GGA2: variants seen among roughly 807,000 people sequenced by gnomAD.
GGA2 encodes the protein ADP-ribosylation factor-binding protein GGA2.
Under a neutral mutation model 79.5 loss-of-function variants are expected in GGA2, and 48 were observed. The ratio of observed to expected loss-of-function variants is 0.60; its 90% CI spans 0.48 to 0.77. The LOEUF is 0.77. GGA2 is among the 30% of genes least tolerant of loss of function. The probability of loss-of-function intolerance (pLI) is 0.00; values close to 1 mark genes in which losing one functional copy is unlikely to be tolerated. For missense variants in GGA2, 770 were observed against 774.0 expected (o/e 0.99, Z 0.06); for synonymous variants, 317 against 302.0 (o/e 1.05, Z -0.51).
chr16:23,467,352 G>A lies in GGA2; in HGVS notation c.*238C>T, dbSNP rs1271522245. 2 of 448,630 alleles carry A rather than the reference G, an allele frequency of 4.5e-6. No homozygotes were observed. The highest frequency in any genetic ancestry group is 3.7e-5 in the East Asian group (1 of 27,194). 27.8% of individuals were successfully genotyped at this position (448,630 alleles called of 1,614,324 possible). On this transcript the variant is annotated 3_prime_UTR_variant, in exon 17 of 17. Coordinates refer to ENST00000309859, the MANE Select transcript of GGA2 (RefSeq NM_015044.4). ...AATGCTTCGCATTTCCCACACTGCCGATATCCCAAGCCCTGTGCTACCACC... is the reference window on the plus strand; with the variant it reads ...AATGCTTCGCATTTCCCACACTGCCAATATCCCAAGCCCTGTGCTACCACC...
chr16:23,485,877 A>C, intron 8 of GGA2, 138 bp downstream of exon 8: 1 of 774,142 alleles, frequency 1.3e-6, no homozygotes, highest in South Asian at 1.8e-5. Flanking sequence ...AGGACAAAGC[A>C]GCACAACGAC....
At chr16:23,492,739 A>T (rs1178776812) in intron 4 of GGA2, among the ~76,000 whole-genome samples, 1 of 152,216 alleles carries the variant, frequency 6.6e-6, no homozygotes, top group Non-Finnish European at 1.5e-5. Context: ...TGGGGGTCAT[A>T]GGAACCCCTG....
intron 14 of GGA2, among the ~76,000 whole-genome samples, chr16:23,473,306 T>C (rs537981880): frequency 1.4e-4 from 21 of 148,152 alleles, no homozygotes; most frequent in Admixed American, 7.5e-4. Context: ...CTGTTAATGG[T>C]ATAGATGATT....
chr16:23,516,119 C>T (rs1312304357), intron 2 of GGA2, among the ~76,000 whole-genome samples: 7 of 152,038 alleles, frequency 4.6e-5, no homozygotes, highest in Admixed American at 3.9e-4. Context: ...GTGATCCTCC[C>T]GCCTCAGCCT....
At chr16:23,497,501 A>AATC (rs1964871239) in intron 1 of GGA2, among the ~76,000 whole-genome samples, 1 of 152,170 alleles carries the variant, frequency 6.6e-6, no homozygotes, top group Non-Finnish European at 1.5e-5. Context: ...ACGGACAGGT[A>AATC]ATCACCATCT....
intron 14 of GGA2, among the ~76,000 whole-genome samples, chr16:23,474,259 T>C (rs1162602040): frequency 1.3e-5 from 2 of 152,234 alleles, no homozygotes; most frequent in Non-Finnish European, 2.9e-5. Context: ...ACGAACATTA[T>C]GTGCCTAAGT....
intron 2 of GGA2, among the ~76,000 whole-genome samples, chr16:23,495,080 A>T (rs1024903632): frequency 1.3e-5 from 1 of 75,732 alleles, no homozygotes; most frequent in African/African-American, 3.9e-5. Flanking sequence ...TGTCTCAGGA[A>T]AAAAAAAAAA....
chr16:23,465,081 G>C lies in GGA2; in HGVS notation c.*2509C>G. Reference sequence around the variant, plus strand: ...GCCAGATCTCCAGCACACACATCATGAATTTGCTTCTCCCCAGAGGAAAAG... The same window carrying C: ...GCCAGATCTCCAGCACACACATCATCAATTTGCTTCTCCCCAGAGGAAAAG... On this transcript the variant is annotated 3_prime_UTR_variant, in exon 17 of 17. Transcript: ENST00000309859. 1.8e-6 allele frequency: 1 copy of C among 549,090 alleles called. No homozygotes were observed. Among genetic ancestry groups the C allele is most frequent in the Non-Finnish European group, 3.3e-6 (1 of 307,486 alleles). 34.0% of individuals were successfully genotyped at this position (549,090 alleles called of 1,614,324 possible).
In GGA2 at chr16:23,488,776, A is replaced by G. The variant is rs1053829548; in HGVS notation, c.476-67T>C. On this transcript the variant is annotated intron_variant, in intron 5 of 16. Transcript: ENST00000309859. ...CCAGAAACTTCAGTCAGAATCCAGT[A>G]TAAAGTCTGGAAACCCCTGGTTCCT... The G allele has an allele frequency of 1.8e-5, 16 of 907,366 alleles. 1 individual carries two copies. The Admixed American group carries it at 3.0e-4, about 17-fold the overall frequency. 56.2% of individuals were successfully genotyped at this position (907,366 alleles called of 1,614,324 possible).
chr16:23,482,201 T>C (rs964797465), intron 9 of GGA2, among the ~76,000 whole-genome samples: 2 of 152,040 alleles, frequency 1.3e-5, no homozygotes, highest in Admixed American at 1.3e-4. Context: ...GAGGTAGAGG[T>C]TGCAGTGAGC....
chr16:23,465,083 A>ATTTGCT lies in GGA2; in HGVS notation c.*2501_*2506dup, dbSNP rs1433841046. 5.5e-6 allele frequency: 3 copies of ATTTGCT among 550,438 alleles called. No individual in the cohort carries two copies. The African/African-American group carries it at 5.7e-5, about 10-fold the overall frequency. The allele number at this position is 550,438 out of a possible 1,614,324, so 34.1% of individuals were successfully genotyped here. Reference sequence around the variant, plus strand: ...CAGATCTCCAGCACACACATCATGAATTTGCTTCTCCCCAGAGGAAAAGAA... The same window carrying ATTTGCT: ...CAGATCTCCAGCACACACATCATGAATTTGCTTTTGCTTCTCCCCAGAGGAAAAGAA... On this transcript the variant is annotated 3_prime_UTR_variant, in exon 17 of 17. Coordinates refer to ENST00000309859, the MANE Select transcript of GGA2 (RefSeq NM_015044.4).
intron 13 of GGA2, among the ~76,000 whole-genome samples, 182 bp downstream of exon 13, chr16:23,478,186 G>A (rs1203588832): frequency 7.3e-6 from 1 of 137,562 alleles, no homozygotes; most frequent in Non-Finnish European, 1.5e-5. Context: ...GCAACAGAGT[G>A]AGACCCCGTC....
chr16:23,490,891 C>T (rs1292055726), intron 5 of GGA2, among the ~76,000 whole-genome samples: 1 of 152,020 alleles, frequency 6.6e-6, no homozygotes, highest in African/African-American at 2.4e-5. Context: ...TTTATCTGTA[C>T]TTCATAGTAA....
intron 8 of GGA2, among the ~76,000 whole-genome samples, chr16:23,485,231 A>C (rs1964697185): frequency 1.3e-5 from 2 of 152,328 alleles, no homozygotes; most frequent in Admixed American, 1.3e-4. Context: ...GACTGGGGAA[A>C]GGGGAGTTTG....
At chr16:23,509,864 T>C (rs534627124) in intron 1 of GGA2, among the ~76,000 whole-genome samples, 50 of 151,706 alleles carry the variant, frequency 3.3e-4, no homozygotes, top group Middle Eastern at 3.4e-3. Context: ...GATAGAGATC[T>C]TTCTCAGCCC....
intron 3 of GGA2, 30 bp from the exon 4 acceptor site, chr16:23,493,488 G>C: frequency 7.0e-7 from 1 of 1,426,518 alleles, no homozygotes; most frequent in Non-Finnish European, 9.9e-7. Context: ...CCAGGAGAAG[G>C]TGGAAAGCCA....
At chr16:23,482,520 A>G (rs1014285786) in intron 9 of GGA2, among the ~76,000 whole-genome samples, 1 of 152,026 alleles carries the variant, frequency 6.6e-6, no homozygotes, top group Admixed American at 6.6e-5. Flanking sequence ...TGTACCTTCC[A>G]TTTCCCATCG....
chr16:23,488,492 G>A, intron 6 of GGA2, 114 bp downstream of exon 6: 2 of 737,742 alleles, frequency 2.7e-6, no homozygotes, highest in Non-Finnish European at 4.9e-6. Flanking sequence ...CCTGTCTGGA[G>A]AGGAGAACCC....
At chr16:23,502,862 G>A (rs1964934673) in intron 1 of GGA2, among the ~76,000 whole-genome samples, 1 of 152,182 alleles carries the variant, frequency 6.6e-6, no homozygotes, top group Admixed American at 6.5e-5. Flanking sequence ...AGTCTACAAG[G>A]GAAACACTTT....
Sources: gnomAD v4.1 joint callset for allele counts (sites outside exome capture counted in the v4.1 genomes callset) on GRCh38, gnomAD v4.1.1 for gene constraint, MANE v1.5 for transcripts, NCBI Gene and HGNC (gene_info 2026-07-23, HGNC 2026-07-21) for gene names.